The following NTF3 variants were observed in gnomAD, a reference collection of about 807,000 sequenced individuals.
NTF3 encodes the protein neurotrophin-3.
In NTF3, 8 loss-of-function variants were observed where a neutral mutation model predicts 26.3. The ratio of observed to expected loss-of-function variants is 0.30; its 90% confidence interval spans 0.18 to 0.55. NTF3 has a LOEUF of 0.55. Ranked by LOEUF, NTF3 falls within the 20% of genes least tolerant of loss-of-function variation. The pLI, the probability that NTF3 is intolerant of heterozygous loss-of-function variation, is 0.93. For synonymous variants in NTF3, 154 were observed against 145.5 expected, an observed-to-expected ratio of 1.06 and a Z score of -0.42; for missense variants, 276 against 352.9, an observed-to-expected ratio of 0.78 and a Z score of 1.75.
rs192996609 is a variant in NTF3, at chr12:5,445,460, C to T, written c.18+13118C>T. Among the ~76,000 whole-genome samples, 5 of 152,132 alleles carry T rather than the reference C, an allele frequency of 3.3e-5. No homozygotes were observed. The East Asian group carries it at 7.7e-4, about 24-fold the overall frequency. On this transcript the variant is annotated intron_variant, in intron 1 of 1. Coordinates refer to ENST00000423158, the MANE Select transcript of NTF3 (RefSeq NM_001102654.2). ...TTAGCATGTATAAGGAAAGTGTGTG[C>T]GGCAGAGACCCAGATGGACAGCCGG...
At chr12:5,439,855 G>A (rs1248373474) in intron 1 of NTF3, among the ~76,000 whole-genome samples, 1 of 152,202 alleles carries the variant, frequency 6.6e-6, no homozygotes, top group African/African-American at 2.4e-5. Flanking sequence ...GATAGGCTAG[G>A]GAACTCACAC....
intron 1 of NTF3, among the ~76,000 whole-genome samples, chr12:5,478,398 C>A (rs997896604): frequency 2.6e-5 from 4 of 152,204 alleles, no homozygotes; most frequent in Admixed American, 1.3e-4. Context: ...GTTATAGGAT[C>A]AAAAGTTTCA....
intron 1 of NTF3, among the ~76,000 whole-genome samples, chr12:5,460,569 C>T (rs1940512544): frequency 6.6e-6 from 1 of 152,240 alleles, no homozygotes; most frequent in South Asian, 2.1e-4. Flanking sequence ...TTCTCCATCT[C>T]TGTCTGTTCC....
rs992344371 is a variant in NTF3 at position 5,494,671 on chromosome 12, G to A, written c.496G>A (p.Asp166Asn). Residue 166 changes from aspartate (D) to asparagine (N), a missense_variant, in exon 2 of 2, where the codon GAC (aspartate) becomes AAC (asparagine). Physicochemically the swap from Asp to Asn is conservative, Grantham distance 23. Coordinates refer to ENST00000423158, the MANE Select transcript of NTF3 (RefSeq NM_001102654.2). This position sits in a 1 kb window ranked among gnomAD's most constrained non-coding sequence, Gnocchi z 8.3. ...TCACCGAGGGGAGTACTCGGTATGT[G>A]ACAGTGAGAGTCTGTGGGTGACCGA... ...KSHRGEYSVC[D>N]SESLWVTDKS... 30 of 1,614,064 alleles carry A rather than the reference G, an allele frequency of 1.9e-5. No individual in the cohort carries two copies. Among genetic ancestry groups the A allele is most frequent in the Non-Finnish European group, 2.5e-5 (30 of 1,180,048 alleles).
intron 1 of NTF3, among the ~76,000 whole-genome samples, chr12:5,455,929 A>G (rs1391978505): frequency 6.6e-6 from 1 of 152,200 alleles, no homozygotes; most frequent in Non-Finnish European, 1.5e-5. Context: ...AAAGCAAGAC[A>G]TTCTCTGGCA....
intron 1 of NTF3, among the ~76,000 whole-genome samples, chr12:5,484,976 G>A (rs972427789): frequency 9.9e-5 from 15 of 152,174 alleles, no homozygotes; most frequent in African/African-American, 3.6e-4. Flanking sequence ...CTGCAAATGT[G>A]CTGCAATCTG....
chr12:5,483,243 C>T (rs1434279686), intron 1 of NTF3, among the ~76,000 whole-genome samples: 1 of 151,986 alleles, frequency 6.6e-6, no homozygotes, highest in African/African-American at 2.4e-5. Flanking sequence ...CACCCACTTA[C>T]TTGAAGTCTC....
intron 1 of NTF3, among the ~76,000 whole-genome samples, chr12:5,492,974 A>G (rs1210252195): frequency 6.6e-6 from 1 of 152,152 alleles, no homozygotes; most frequent in Non-Finnish European, 1.5e-5. Flanking sequence ...TTTATTTTCC[A>G]TGTTTGGACA....
At chr12:5,475,665 T>C (rs1241925126) in intron 1 of NTF3, among the ~76,000 whole-genome samples, 2 of 151,894 alleles carry the variant, frequency 1.3e-5, no homozygotes, top group African/African-American at 4.8e-5. Context: ...CAAAACCCCA[T>C]CTCTACAAAA....
At chr12:5,445,275 C>A (rs551083379) in intron 1 of NTF3, among the ~76,000 whole-genome samples, 357 of 34,742 alleles carry the variant, frequency 0.01, 5 homozygotes, top group Admixed American at 0.071. Flanking sequence ...TAGATGATTC[C>A]TTGGATTAAA....
At chr12:5,452,157 G>A (rs560348938) in intron 1 of NTF3, among the ~76,000 whole-genome samples, 5 of 147,314 alleles carry the variant, frequency 3.4e-5, no homozygotes, top group South Asian at 4.3e-4. Context: ...AGGCAGTGGC[G>A]CAATCTCAGC....
intron 1 of NTF3, among the ~76,000 whole-genome samples, chr12:5,444,513 A>G (rs935440032): frequency 2.0e-5 from 3 of 152,218 alleles, no homozygotes; most frequent in African/African-American, 7.2e-5. Flanking sequence ...GAGGAGAGTT[A>G]CAGGTAGAGA....
intron 1 of NTF3, among the ~76,000 whole-genome samples, chr12:5,493,627 T>C (rs1216281140): frequency 6.6e-6 from 1 of 152,018 alleles, no homozygotes; most frequent in African/African-American, 2.4e-5. Flanking sequence ...GGCAGGAGAA[T>C]AGACCGTTCC....
chr12:5,492,951 C>G (rs1051029091), intron 1 of NTF3, among the ~76,000 whole-genome samples: 1 of 152,168 alleles, frequency 6.6e-6, no homozygotes, highest in Non-Finnish European at 1.5e-5. Flanking sequence ...AAAGGTGAAC[C>G]AGGGGAAGAG....
chr12:5,486,058 C>T (rs577357805), intron 1 of NTF3, among the ~76,000 whole-genome samples: 1 of 152,298 alleles, frequency 6.6e-6, no homozygotes, highest in East Asian at 1.9e-4. Context: ...TAGCCGCAGA[C>T]CGCCAGTCAA....
At chr12:5,484,682 G>A (rs867643457) in intron 1 of NTF3, among the ~76,000 whole-genome samples, 4 of 152,254 alleles carry the variant, frequency 2.6e-5, no homozygotes, top group African/African-American at 9.6e-5. Flanking sequence ...GAAACGTGCG[G>A]GTCCTTTTTT....
intron 1 of NTF3, among the ~76,000 whole-genome samples, chr12:5,487,822 T>C (rs376837485): frequency 1.3e-5 from 2 of 152,318 alleles, no homozygotes; most frequent in Non-Finnish European, 2.9e-5. Context: ...TCAGGGATTG[T>C]CTAATGAGGC....
chr12:5,439,177 A>G (rs955955417), intron 1 of NTF3, among the ~76,000 whole-genome samples: 1 of 152,242 alleles, frequency 6.6e-6, no homozygotes, highest in Non-Finnish European at 1.5e-5. Flanking sequence ...TAAGGTAAGC[A>G]TCCATCTTTA....
intron 1 of NTF3, among the ~76,000 whole-genome samples, chr12:5,458,166 G>A (rs551204025): frequency 2.6e-5 from 4 of 152,164 alleles, no homozygotes; most frequent in African/African-American, 9.6e-5. Flanking sequence ...TTCCCAGAAT[G>A]CACAATGCAC....
Sources: gnomAD v4.1 joint callset for allele counts (sites outside exome capture counted in the v4.1 genomes callset) on GRCh38, gnomAD v4.1.1 for gene constraint, Gnocchi (gnomAD v3.1) non-coding constraint, MANE v1.5 for transcripts, NCBI Gene and HGNC (gene_info 2026-07-23, HGNC 2026-07-21) for gene names.